The following ARHGAP26 variants were observed in gnomAD, a reference collection of about 807,000 sequenced individuals.
The protein encoded by ARHGAP26 is rho GTPase-activating protein 26.
Under a neutral mutation model 104.8 loss-of-function variants are expected in ARHGAP26, and 38 were observed. That is an observed-to-expected ratio of 0.36 (90% CI 0.28 to 0.48). The LOEUF is 0.48. Among genes scored for constraint, ARHGAP26 ranks in the 20% least tolerant of loss-of-function variants. The pLI, the probability that ARHGAP26 is intolerant of heterozygous loss-of-function variation, is 0.99. For missense variants in ARHGAP26, 704 were observed against 947.9 expected, an observed-to-expected ratio of 0.74 and a Z score of 3.38; for synonymous variants, 341 against 340.0, an observed-to-expected ratio of 1.00 and a Z score of -0.03.
intron 17 of ARHGAP26, among the ~76,000 whole-genome samples, chr5:143,115,752 A>G (rs966505973): frequency 1.3e-5 from 2 of 152,196 alleles, no homozygotes; most frequent in Non-Finnish European, 2.9e-5. Context: ...TACAAGCTAC[A>G]TATTATTGCT....
At chr5:142,990,642 G>A (rs1417672059) in intron 11 of ARHGAP26, among the ~76,000 whole-genome samples, 1 of 152,130 alleles carries the variant, frequency 6.6e-6, no homozygotes, top group Non-Finnish European at 1.5e-5. Context: ...TGGGGTTTTG[G>A]TGTGGATGTC....
At chr5:142,778,192 T>C (rs1359199283) in intron 1 of ARHGAP26, among the ~76,000 whole-genome samples, 1 of 152,256 alleles carries the variant, frequency 6.6e-6, no homozygotes, top group African/African-American at 2.4e-5. Flanking sequence ...TGAGCAGTTA[T>C]GTGAATGATG....
At chr5:143,121,204 G>C (rs1460328527) in intron 18 of ARHGAP26, 57 bp downstream of exon 18, 3 of 1,558,228 alleles carry the variant, frequency 1.9e-6, no homozygotes, top group African/African-American at 2.7e-5. Context: ...AGCTGCATTG[G>C]AATTGACCTT....
At chr5:143,075,847 C>T (rs189100599) in intron 17 of ARHGAP26, among the ~76,000 whole-genome samples, 14 of 151,330 alleles carry the variant, frequency 9.3e-5, no homozygotes, top group East Asian at 2.0e-4. Context: ...TACAGGAGCA[C>T]GCCACCAGGC....
At chr5:143,202,158 T>C (rs946743444) in intron 20 of ARHGAP26, 1 of 152,236 alleles carries the variant, frequency 6.6e-6, no homozygotes, top group Non-Finnish European at 1.5e-5. Flanking sequence ...AAGTTAGCTC[T>C]TCTTTTTGCA....
intron 11 of ARHGAP26, among the ~76,000 whole-genome samples, chr5:143,007,434 T>G (rs190723003): frequency 3.9e-5 from 6 of 152,336 alleles, no homozygotes; most frequent in South Asian, 2.1e-4. Flanking sequence ...AGAATTCCTG[T>G]TATGCTTAAA....
At chr5:142,874,369 T>C (rs1158926683) in intron 2 of ARHGAP26, among the ~76,000 whole-genome samples, 2 of 152,236 alleles carry the variant, frequency 1.3e-5, no homozygotes, top group Non-Finnish European at 2.9e-5. Context: ...ATTCATCAAA[T>C]GCTTATTGAG....
At chr5:142,854,514 A>C (rs1270207138) in intron 1 of ARHGAP26, among the ~76,000 whole-genome samples, 1 of 152,222 alleles carries the variant, frequency 6.6e-6, no homozygotes, top group African/African-American at 2.4e-5. Context: ...CTCAATGAAG[A>C]GTTAAAGGAT....
At chr5:142,909,915 T>C (rs769370912) in intron 9 of ARHGAP26, among the ~76,000 whole-genome samples, 2 of 152,204 alleles carry the variant, frequency 1.3e-5, no homozygotes, top group African/African-American at 2.4e-5. Flanking sequence ...TCCTTTCTTA[T>C]CACACTTGAA....
intron 13 of ARHGAP26, 98 bp from the exon 14 acceptor site, chr5:143,041,718 A>G (rs1478644280): frequency 1.2e-6 from 1 of 835,640 alleles, no homozygotes; most frequent in African/African-American, 3.3e-5. Context: ...AGGACTGAGA[A>G]AATGAAAAAA....
chr5:143,214,410 C>G (rs550619240), intron 22 of ARHGAP26, among the ~76,000 whole-genome samples: 8 of 152,342 alleles, frequency 5.3e-5, no homozygotes, highest in African/African-American at 1.7e-4. Context: ...ATACACATCA[C>G]ATGTTTAAAA....
chr5:143,043,712 AG>A (rs1783807984), intron 14 of ARHGAP26, among the ~76,000 whole-genome samples: 1 of 152,202 alleles, frequency 6.6e-6, no homozygotes, highest in Admixed American at 6.5e-5. Context: ...TGCTTAGAAC[AG>A]ATGTCAGGTG....
rs540520070 is a variant in ARHGAP26 at position 143,020,289 on chromosome 5, G to A, written c.1144+6173G>A. The stretch of plus-strand genomic sequence containing the variant: ...GGGCAGGTGGCACTGAGATATATGA[G>A]TACCGAGAGGTAAGGACACTCATAA... On this transcript the variant is annotated intron_variant, in intron 12 of 22. Coordinates refer to ENST00000645722, the MANE Select transcript of ARHGAP26 (RefSeq NM_001135608.3). Among the ~76,000 whole-genome samples, 15 of 152,250 alleles carry A rather than the reference G, an allele frequency of 9.9e-5. No homozygotes were observed. The South Asian group carries it at 2.9e-3, about 29-fold the overall frequency.
intron 1 of ARHGAP26, among the ~76,000 whole-genome samples, chr5:142,819,130 C>G (rs1482259194): frequency 6.6e-6 from 1 of 152,174 alleles, no homozygotes; most frequent in African/African-American, 2.4e-5. Flanking sequence ...GCTGGTGTCT[C>G]CTCTTACTTG....
At chr5:142,873,903 CT>C (rs1755698839) in intron 2 of ARHGAP26, among the ~76,000 whole-genome samples, 1 of 152,190 alleles carries the variant, frequency 6.6e-6, no homozygotes, top group Non-Finnish European at 1.5e-5. Context: ...GCCCAGTTTT[CT>C]TTGGCTCTCA....
chr5:142,907,891 T>C, intron 9 of ARHGAP26, 87 bp downstream of exon 9: 1 of 781,696 alleles, frequency 1.3e-6, no homozygotes, highest in East Asian at 3.1e-5. Context: ...ACCTCCAGTG[T>C]TATATTTATG....
At chr5:143,222,262 CACACACACACACACACACACA>C in intron 22 of ARHGAP26, 75 bp from the exon 23 acceptor site, 1 of 580,540 alleles carries the variant, frequency 1.7e-6, no homozygotes, top group South Asian at 4.1e-5. Flanking sequence ...CACACACACA[CACACACACACACACACACACA>C]CCCCACACAC....
At chr5:143,167,412 G>A (rs537181192) in intron 20 of ARHGAP26, among the ~76,000 whole-genome samples, 4 of 146,462 alleles carry the variant, frequency 2.7e-5, no homozygotes, top group African/African-American at 1.0e-4. Context: ...AACCCGGGGG[G>A]GAAGAGGTTA....
At chr5:142,940,277 G>A (rs1011268241) in intron 11 of ARHGAP26, among the ~76,000 whole-genome samples, 3 of 152,138 alleles carry the variant, frequency 2.0e-5, no homozygotes, top group African/African-American at 7.2e-5. Context: ...CTAGTGTGAC[G>A]ATGCAGGCCT....
Sources: allele counts gnomAD v4.1 joint callset (sites outside exome capture counted in the v4.1 genomes callset), GRCh38; gene constraint gnomAD v4.1.1; transcripts MANE v1.5; gene names NCBI Gene and HGNC (gene_info 2026-07-23, HGNC 2026-07-21).